The following SORCS3 variants were observed in gnomAD, a reference collection of about 807,000 sequenced individuals.
The protein encoded by SORCS3 is sortilin related VPS10 domain containing receptor 3, also known as VPS10 domain-containing receptor SorCS3.
SORCS3 carries 57 observed loss-of-function variants against 146.3 expected under a neutral mutation model. The observed-to-expected ratio is 0.39, with a 90% CI of 0.31 to 0.49. The LOEUF (loss-of-function observed/expected upper bound fraction) is 0.49. Ranked by LOEUF, SORCS3 falls within the 20% of genes least tolerant of loss-of-function variation. The pLI, the probability that SORCS3 is intolerant of heterozygous loss-of-function variation, is 0.92. For missense variants in SORCS3, 1,341 were observed against 1,575.5 expected, an observed-to-expected ratio of 0.85 and a Z score of 2.52; for synonymous variants, 653 against 618.5, an observed-to-expected ratio of 1.06 and a Z score of -0.83.
chr10:104,675,529 C>T (rs967838022), intron 1 of SORCS3, among the ~76,000 whole-genome samples: 7 of 152,062 alleles, frequency 4.6e-5, no homozygotes, highest in Non-Finnish European at 8.8e-5. Flanking sequence ...CATTTAGGCT[C>T]GTGATTCTTC....
chr10:105,175,451 A>G (rs10786848), intron 13 of SORCS3, among the ~76,000 whole-genome samples: 67,391 of 151,740 alleles, frequency 0.44, 15,217 homozygotes, highest in South Asian at 0.53. Context: ...AAACCAATTT[A>G]CCCAAAGTCG....
intron 2 of SORCS3, among the ~76,000 whole-genome samples, chr10:104,877,439 C>T (rs915529750): frequency 2.6e-5 from 4 of 152,118 alleles, no homozygotes; most frequent in African/African-American, 9.7e-5. Flanking sequence ...TACAGTGCCT[C>T]TCATGAAGAT....
chr10:105,127,736 T>C (rs1002826609), intron 7 of SORCS3, among the ~76,000 whole-genome samples: 3 of 151,982 alleles, frequency 2.0e-5, no homozygotes, highest in Admixed American at 6.6e-5. Flanking sequence ...GAACAACAGC[T>C]GGTAAGTGCA....
chr10:104,660,734 A>G (rs987049129), intron 1 of SORCS3, among the ~76,000 whole-genome samples: 2 of 152,246 alleles, frequency 1.3e-5, no homozygotes, highest in South Asian at 4.1e-4. Flanking sequence ...AGCCTGTGCT[A>G]TTTGCCTAAT....
At chr10:104,646,197 G>T (rs1325551320) in intron 1 of SORCS3, among the ~76,000 whole-genome samples, 1 of 152,212 alleles carries the variant, frequency 6.6e-6, no homozygotes, top group Admixed American at 6.5e-5. Flanking sequence ...CTGATGGCTG[G>T]ATTACAGGAT....
At chr10:104,845,062 T>C (rs1484583498) in intron 2 of SORCS3, among the ~76,000 whole-genome samples, 1 of 152,188 alleles carries the variant, frequency 6.6e-6, no homozygotes, top group African/African-American at 2.4e-5. Context: ...ACACTTTTCC[T>C]GAGAGCCTTT....
At chr10:105,110,528 T>G (rs1004021489) in intron 7 of SORCS3, among the ~76,000 whole-genome samples, 1 of 152,138 alleles carries the variant, frequency 6.6e-6, no homozygotes, top group Non-Finnish European at 1.5e-5. Flanking sequence ...TTGAGGAGGT[T>G]CATTTTAGCA....
intron 7 of SORCS3, among the ~76,000 whole-genome samples, chr10:105,116,921 C>G (rs986259181): frequency 2.6e-5 from 4 of 152,064 alleles, no homozygotes; most frequent in African/African-American, 4.8e-5. Context: ...GAGCAGAAAA[C>G]TATCTATTAG....
chr10:104,997,071 G>T (rs1267923823), intron 4 of SORCS3, among the ~76,000 whole-genome samples: 4 of 152,182 alleles, frequency 2.6e-5, no homozygotes, highest in African/African-American at 4.8e-5. Flanking sequence ...GAGAAAGGGG[G>T]CTATAGCTAA....
intron 9 of SORCS3, among the ~76,000 whole-genome samples, chr10:105,153,634 A>T (rs916704346): frequency 1.0e-4 from 13 of 129,714 alleles, no homozygotes; most frequent in Admixed American, 1.6e-4. Flanking sequence ...AGAGAGAGAG[A>T]GTGTGTGTGT....
chr10:104,933,342 A>G (rs1026454379), intron 3 of SORCS3, among the ~76,000 whole-genome samples: 1 of 150,848 alleles, frequency 6.6e-6, no homozygotes, highest in Non-Finnish European at 1.5e-5. Context: ...CAAGATGGTT[A>G]CAGAGGTTCT....
At chr10:104,653,968 G>A (rs980536972) in intron 1 of SORCS3, among the ~76,000 whole-genome samples, 7 of 151,014 alleles carry the variant, frequency 4.6e-5, no homozygotes, top group African/African-American at 1.7e-4. Flanking sequence ...TACCCTTCCT[G>A]CCTCTGGTAA....
At chr10:105,248,613 C>G (rs2056881070) in intron 22 of SORCS3, among the ~76,000 whole-genome samples, 1 of 150,572 alleles carries the variant, frequency 6.6e-6, no homozygotes, top group Admixed American at 6.7e-5. Context: ...ACTCGGGAGG[C>G]TGAGGCAGGA....
intron 13 of SORCS3, among the ~76,000 whole-genome samples, chr10:105,176,003 A>G (rs2056398860): frequency 6.6e-6 from 1 of 152,176 alleles, no homozygotes; most frequent in African/African-American, 2.4e-5. Flanking sequence ...ACAAAGAAGT[A>G]AGTGAGTAGA....
chr10:104,727,535 A>ATG (rs775960234), intron 1 of SORCS3, among the ~76,000 whole-genome samples: 46 of 110,350 alleles, frequency 4.2e-4, no homozygotes, highest in South Asian at 2.8e-3. Flanking sequence ...GAAGGGATAT[A>ATG]TGTGTGTGTG....
intron 3 of SORCS3, among the ~76,000 whole-genome samples, chr10:104,955,400 T>C (rs1455705832): frequency 6.6e-6 from 1 of 152,210 alleles, no homozygotes; most frequent in Non-Finnish European, 1.5e-5. Flanking sequence ...CCAAAATCAG[T>C]TTATCCATTC....
At chr10:105,223,452 A>G (rs889065492) in intron 20 of SORCS3, among the ~76,000 whole-genome samples, 1 of 152,238 alleles carries the variant, frequency 6.6e-6, no homozygotes, top group Non-Finnish European at 1.5e-5. Context: ...AATCCTAAGG[A>G]AGAAAGAGTA....
At chr10:105,061,952 T>A (rs2055490910) in intron 5 of SORCS3, among the ~76,000 whole-genome samples, 1 of 151,908 alleles carries the variant, frequency 6.6e-6, no homozygotes, top group Non-Finnish European at 1.5e-5. Flanking sequence ...TCCCAGAGAG[T>A]GACCCAGCTG....
chr10:105,095,035 T>A (rs909189764), intron 6 of SORCS3, among the ~76,000 whole-genome samples: 3 of 152,098 alleles, frequency 2.0e-5, no homozygotes, highest in Admixed American at 2.0e-4. Context: ...CAATTATATT[T>A]CCCCCAGCTG....
Sources: gnomAD v4.1 joint callset for allele counts (sites outside exome capture counted in the v4.1 genomes callset) on GRCh38, gnomAD v4.1.1 for gene constraint, MANE v1.5 for transcripts, NCBI Gene and HGNC (gene_info 2026-07-23, HGNC 2026-07-21) for gene names.